SLC71A2: variants seen among roughly 807,000 people sequenced by gnomAD.
The protein encoded by SLC71A2 is solute carrier family 71 member 2.
chr9:94,406,263 CAG>C, the SLC71A2 span, among the ~76,000 whole-genome samples: 1 of 151,880 alleles, frequency 6.6e-6, no homozygotes, highest in East Asian at 1.9e-4. Context: ...TTTTTTGAAA[CAG>C]AGTTTCACTG....
At chr9:94,407,177 T>TGTG in the SLC71A2 span, among the ~76,000 whole-genome samples, 1 of 151,682 alleles carries the variant, frequency 6.6e-6, no homozygotes, top group East Asian at 1.9e-4. Flanking sequence ...AAGATGATTA[T>TGTG]GTGGGTTTTT....
At chr9:94,445,851 T>C in the SLC71A2 span, among the ~76,000 whole-genome samples, 2 of 152,166 alleles carry the variant, frequency 1.3e-5, no homozygotes, top group Admixed American at 6.5e-5. Flanking sequence ...TCAGAAAAAT[T>C]CATGTAATCA....
At chr9:94,408,244 A>G in the SLC71A2 span, among the ~76,000 whole-genome samples, 4 of 152,340 alleles carry the variant, frequency 2.6e-5, 1 homozygote, top group Middle Eastern at 3.4e-3. Flanking sequence ...TGAATATATC[A>G]TAAGTCTAAA....
chr9:94,407,984 C>T, the SLC71A2 span, among the ~76,000 whole-genome samples: 1 of 152,124 alleles, frequency 6.6e-6, no homozygotes, highest in African/African-American at 2.4e-5. Flanking sequence ...GGATGGACTG[C>T]AGTATCACAG....
chr9:94,444,962 A>G, the SLC71A2 span: 1 of 1,613,344 alleles, frequency 6.2e-7, no homozygotes, highest in Non-Finnish European at 8.5e-7. Context: ...GCTTTCCCAC[A>G]GGTCTCAGCC....
chr9:94,429,913 T>TTA, the SLC71A2 span, among the ~76,000 whole-genome samples: 1 of 150,296 alleles, frequency 6.7e-6, no homozygotes, highest in Non-Finnish European at 1.5e-5. Flanking sequence ...TATTTTATTT[T>TTA]TTTTTTTTTT....
the SLC71A2 span, among the ~76,000 whole-genome samples, chr9:94,405,417 C>T: frequency 3.3e-5 from 5 of 151,716 alleles, no homozygotes; most frequent in Admixed American, 6.6e-5. Context: ...ATGGCATGAA[C>T]CCGGGAGGTG....
At chr9:94,381,420 T>A in the SLC71A2 span, among the ~76,000 whole-genome samples, 1 of 150,568 alleles carries the variant, frequency 6.6e-6, no homozygotes, top group Non-Finnish European at 1.5e-5. Flanking sequence ...AAGTTCAGCA[T>A]AAATTATTTT....
chr9:94,430,331 T>C, the SLC71A2 span, among the ~76,000 whole-genome samples: 8 of 151,948 alleles, frequency 5.3e-5, no homozygotes, highest in African/African-American at 1.5e-4. Context: ...CGAGTGATTC[T>C]CCTGCCTTAG....
chr9:94,455,156 C>CTTTTTTTTTTTTTTTTTTTTTTTTTTTT, the SLC71A2 span, among the ~76,000 whole-genome samples: 2 of 27,686 alleles, frequency 7.2e-5, 1 homozygote, highest in African/African-American at 5.2e-4. Context: ...TTGCTCTTTC[C>CTTTTTTTTTTTTTTTTTTTTTTTTTTTT]TTTTTTTTTT....
the SLC71A2 span, among the ~76,000 whole-genome samples, chr9:94,429,999 C>T: frequency 2.0e-5 from 3 of 149,286 alleles, no homozygotes; most frequent in Admixed American, 2.0e-4. Context: ...ATCCGCCTCC[C>T]GGGTTCAAGC....
At chr9:94,374,558 C>T in the SLC71A2 span, 1 of 152,560 alleles carries the variant, frequency 6.6e-6, no homozygotes, top group Non-Finnish European at 1.5e-5. Context: ...CAGCCCGCCC[C>T]TGACGCCGCC....
At chr9:94,378,988 T>C in the SLC71A2 span, among the ~76,000 whole-genome samples, 1 of 149,356 alleles carries the variant, frequency 6.7e-6, no homozygotes, top group Non-Finnish European at 1.5e-5. Context: ...GTTGGGAATT[T>C]GCCCATTTTA....
chr9:94,375,324 G>C, the SLC71A2 span, among the ~76,000 whole-genome samples: 252 of 151,916 alleles, frequency 1.7e-3, 3 homozygotes, highest in African/African-American at 5.9e-3. Context: ...GCCGGGCAGC[G>C]CCTTGCTGCT....
At chr9:94,379,187 A>G in the SLC71A2 span, among the ~76,000 whole-genome samples, 1 of 150,360 alleles carries the variant, frequency 6.7e-6, no homozygotes, top group South Asian at 2.1e-4. Context: ...GCCGGGTTCA[A>G]GCGATTCTCC....
the SLC71A2 span, chr9:94,458,549 C>A: frequency 5.4e-6 from 7 of 1,305,414 alleles, no homozygotes; most frequent in Non-Finnish European, 7.7e-6. Flanking sequence ...GGAGAGCATT[C>A]TTTCTTGTAT....
At chr9:94,431,719 A>G in the SLC71A2 span, among the ~76,000 whole-genome samples, 20,648 of 151,130 alleles carry the variant, frequency 0.14, 1,577 homozygotes, top group Middle Eastern at 0.27. Context: ...AGGATAGTGG[A>G]GATTTATTTC....
chr9:94,395,686 C>T, the SLC71A2 span, among the ~76,000 whole-genome samples: 1 of 152,118 alleles, frequency 6.6e-6, no homozygotes, highest in African/African-American at 2.4e-5. Flanking sequence ...GTTCACAAGC[C>T]CTCCCACATG....
the SLC71A2 span, among the ~76,000 whole-genome samples, chr9:94,441,959 T>A: frequency 6.6e-6 from 1 of 152,220 alleles, no homozygotes. Context: ...CTTTCAGATG[T>A]TTCAGGGGAA....
Sources: allele counts gnomAD v4.1 joint callset (sites outside exome capture counted in the v4.1 genomes callset), GRCh38; gene constraint gnomAD v4.1.1; transcripts MANE v1.5; gene names NCBI Gene and HGNC (gene_info 2026-07-23, HGNC 2026-07-21).